STK39: variants seen among roughly 807,000 people sequenced by gnomAD.
STK39 encodes serine/threonine kinase 39.
A neutral mutation model predicts 77.8 loss-of-function variants in STK39; 20 were observed. That is an observed-to-expected ratio of 0.26 (90% CI 0.18 to 0.37). The LOEUF is 0.37. Ranked by LOEUF, STK39 falls within the 10% of genes least tolerant of loss-of-function variation. The pLI is 1.00. For missense variants in STK39, 479 were observed against 656.5 expected, an observed-to-expected ratio of 0.73 and a Z score of 2.95; for synonymous variants, 246 against 234.1, an observed-to-expected ratio of 1.05 and a Z score of -0.47.
At chr2:168,070,079 C>T (rs1157488498) in intron 12 of STK39, among the ~76,000 whole-genome samples, 1 of 152,008 alleles carries the variant, frequency 6.6e-6, no homozygotes, top group East Asian at 1.9e-4. Context: ...AAAAGAAGAT[C>T]AATAATGGGA....
At chr2:168,084,443 T>C (rs1318580759) in intron 10 of STK39, among the ~76,000 whole-genome samples, 1 of 152,134 alleles carries the variant, frequency 6.6e-6, no homozygotes, top group African/African-American at 2.4e-5. Context: ...GCCTGACACA[T>C]AGCAACAGTG....
In STK39 at chr2:168,196,538, C is replaced by T. The variant is rs1689473390; in HGVS notation, c.209-14448G>A. On this transcript the variant is annotated intron_variant, in intron 1 of 17. Coordinates refer to ENST00000355999, the MANE Select transcript of STK39 (RefSeq NM_013233.3). ...AATTAGCAGGGCGGATGCCTGTAAT[C>T]CCAGCTACTCGGGAGGCTGAGGCAG... Among the ~76,000 whole-genome samples, 3 of 152,182 alleles carry T rather than the reference C, an allele frequency of 2.0e-5. 1 individual carries two copies. In the South Asian group the frequency reaches 6.2e-4, roughly 32 times the overall value.
intron 1 of STK39, among the ~76,000 whole-genome samples, chr2:168,190,460 A>C (rs765474562): frequency 5.3e-5 from 8 of 152,180 alleles, no homozygotes; most frequent in Non-Finnish European, 7.4e-5. Flanking sequence ...GTTCAATTCT[A>C]AAGTCAGGTC....
In STK39 at chr2:168,004,997, C is replaced by CTTT. The variant is rs10563812; in HGVS notation, c.1498+7634_1498+7636dup. On this transcript the variant is annotated intron_variant, in intron 16 of 17. Transcript: ENST00000355999. Reference sequence around the variant, plus strand: ...CAAGCACTAGGGGACAGAAGGCCCTCTTTTTTTTTTTTTTTTTTTTTTTTT... The same window carrying CTTT: ...CAAGCACTAGGGGACAGAAGGCCCTCTTTTTTTTTTTTTTTTTTTTTTTTTTTT... 1.0e-3 allele frequency among the ~76,000 whole-genome samples: 78 copies of CTTT among 77,562 alleles called. 5 individuals are homozygous for CTTT. The highest frequency in any genetic ancestry group is 2.5e-3 in the African/African-American group (47 of 18,634). The allele number at this position is 77,562 out of a possible 152,430, so 50.9% of individuals were successfully genotyped here.
chr2:168,056,919 G>A (rs891776785), intron 14 of STK39, among the ~76,000 whole-genome samples: 1 of 152,164 alleles, frequency 6.6e-6, no homozygotes, highest in Non-Finnish European at 1.5e-5. Context: ...GACTTCAAAT[G>A]GGGAATGGGT....
intron 10 of STK39, among the ~76,000 whole-genome samples, chr2:168,078,741 CAAAAAAAAA>C (rs56865790): frequency 1.2e-5 from 1 of 86,418 alleles, no homozygotes; most frequent in African/African-American, 4.0e-5. Context: ...TCCATCTGTC[CAAAAAAAAA>C]AAAAAAAAAG....
At position 168,114,451 on chromosome 2, in the gene STK39, T is replaced by G. The variant is rs527651839; in HGVS notation, c.1089+15090A>C. On this transcript the variant is annotated intron_variant, in intron 10 of 17. Transcript: ENST00000355999. ...CATTTTTAGAATCTCTGTTATAATC[T>G]GCATAAGTGTTTTACATAAACTGTC... 8.7e-4 allele frequency among the ~76,000 whole-genome samples: 132 copies of G among 152,318 alleles called. 1 individual carries two copies. Among genetic ancestry groups the G allele is most frequent in the Middle Eastern group, 6.8e-3 (2 of 294 alleles).
intron 17 of STK39, 117 bp downstream of exon 17, chr2:167,964,545 T>G: frequency 7.1e-6 from 7 of 979,546 alleles, no homozygotes; most frequent in Non-Finnish European, 1.1e-5. Context: ...AAAAATTGAT[T>G]CTAAAAGAAA....
chr2:168,013,834 G>GTC (rs1464816392), intron 15 of STK39, among the ~76,000 whole-genome samples: 57 of 85,872 alleles, frequency 6.6e-4, no homozygotes, highest in Middle Eastern at 6.8e-3. Flanking sequence ...GTGTGTGTGT[G>GTC]TATGTGTTTG....
intron 5 of STK39, among the ~76,000 whole-genome samples, chr2:168,158,127 A>G (rs1688482023): frequency 6.6e-6 from 1 of 152,194 alleles, no homozygotes; most frequent in Non-Finnish European, 1.5e-5. Flanking sequence ...TGGGAAGAAC[A>G]TGACTTTCGA....
Position 168,062,735 on chromosome 2 carries a change from C to T in STK39, c.1376+765G>A, listed in dbSNP as rs111246187. On this transcript the variant is annotated intron_variant, in intron 14 of 17. Transcript: ENST00000355999. ...CAACTCAGAAAATGCCTAGTATATG[C>T]ACGTGCTTTATTTGTTTAATGGTCA... is the stretch of plus-strand genomic sequence containing the variant. 2.9e-3 allele frequency among the ~76,000 whole-genome samples: 435 copies of T among 152,246 alleles called. 1 individual carries two copies. The highest frequency in any genetic ancestry group is 1.0e-2 in the African/African-American group (415 of 41,512).
intron 5 of STK39, among the ~76,000 whole-genome samples, chr2:168,151,211 G>A (rs975440973): frequency 7.2e-5 from 11 of 152,148 alleles, no homozygotes; most frequent in African/African-American, 2.2e-4. Flanking sequence ...TGAAACATCA[G>A]AGAATGACAG....
At chr2:168,184,406 A>G (rs888918373) in intron 1 of STK39, among the ~76,000 whole-genome samples, 1 of 152,246 alleles carries the variant, frequency 6.6e-6, no homozygotes, top group African/African-American at 2.4e-5. Flanking sequence ...ACATGGATGG[A>G]TTTAACCATT....
At chr2:168,170,216 T>C (rs113235713) in intron 2 of STK39, among the ~76,000 whole-genome samples, 31 of 152,176 alleles carry the variant, frequency 2.0e-4, no homozygotes, top group Non-Finnish European at 4.1e-4. Flanking sequence ...ATTTGAAAGC[T>C]CCCTTGGTAA....
At chr2:168,221,463 A>T (rs1314035575) in intron 1 of STK39, among the ~76,000 whole-genome samples, 1 of 152,214 alleles carries the variant, frequency 6.6e-6, no homozygotes, top group Non-Finnish European at 1.5e-5. Flanking sequence ...GCAAAGTTGT[A>T]TGAAAACATT....
chr2:168,217,461 C>T (rs1183295850), intron 1 of STK39, among the ~76,000 whole-genome samples: 1 of 152,174 alleles, frequency 6.6e-6, no homozygotes, highest in Non-Finnish European at 1.5e-5. Flanking sequence ...ATCATATAAA[C>T]TGACATTTCA....
intron 12 of STK39, among the ~76,000 whole-genome samples, chr2:168,067,156 A>G (rs967666063): frequency 1.2e-4 from 19 of 152,194 alleles, no homozygotes; most frequent in Non-Finnish European, 1.5e-4. Flanking sequence ...CAGAAGGCGG[A>G]GATTGCAGTG....
chr2:168,114,931 G>C (rs562830522), intron 10 of STK39, among the ~76,000 whole-genome samples: 1 of 152,088 alleles, frequency 6.6e-6, no homozygotes, highest in African/African-American at 2.4e-5. Flanking sequence ...CTGCACACTC[G>C]GTCTGTGTCC....
chr2:168,243,086 C>G (rs1690812242), intron 1 of STK39, among the ~76,000 whole-genome samples: 1 of 152,096 alleles, frequency 6.6e-6, no homozygotes. Flanking sequence ...GCAAGGCAGC[C>G]TGGTATAAAG....
Sources: allele counts gnomAD v4.1 joint callset (sites outside exome capture counted in the v4.1 genomes callset), GRCh38; gene constraint gnomAD v4.1.1; transcripts MANE v1.5; gene names NCBI Gene and HGNC (gene_info 2026-07-23, HGNC 2026-07-21).